Variants in PLD5 observed in about 807,000 individuals in gnomAD.
PLD5 encodes the protein inactive phospholipase D5.
PLD5 carries 36 observed loss-of-function variants against 61.1 expected under a neutral mutation model. That is an observed-to-expected ratio of 0.59 (90% CI 0.45 to 0.78). The LOEUF is 0.78. Ranked by LOEUF, PLD5 falls within the 30% of genes least tolerant of loss-of-function variation. PLD5 has a pLI of 0.00. For synonymous variants in PLD5, 243 were observed against 242.8 expected (o/e 1.00, Z -0.01); for missense variants, 515 against 644.4 (o/e 0.80, Z 2.17).
chr1:242,439,226 C>G (rs1395077771), intron 1 of PLD5, among the ~76,000 whole-genome samples: 2 of 152,168 alleles, frequency 1.3e-5, no homozygotes, highest in African/African-American at 4.8e-5. Flanking sequence ...GAGTCCAAGT[C>G]AATTGCATGT....
intron 3 of PLD5, among the ~76,000 whole-genome samples, chr1:242,281,607 A>G (rs566490445): frequency 5.3e-5 from 8 of 152,340 alleles, no homozygotes; most frequent in East Asian, 3.9e-4. Context: ...ATATTTCACA[A>G]TCTTACCAGA....
chr1:242,211,863 T>C (rs1348558985), intron 5 of PLD5, among the ~76,000 whole-genome samples: 1 of 152,144 alleles, frequency 6.6e-6, no homozygotes, highest in Non-Finnish European at 1.5e-5. Flanking sequence ...TATATAGAAG[T>C]ATTGAAACAG....
At chr1:242,145,811 T>C (rs963009012) in intron 5 of PLD5, among the ~76,000 whole-genome samples, 1 of 152,152 alleles carries the variant, frequency 6.6e-6, no homozygotes, top group Non-Finnish European at 1.5e-5. Flanking sequence ...TAGCTGGGAT[T>C]ATAGGCGCAC....
chr1:242,318,022 A>G (rs1163263274), intron 2 of PLD5, among the ~76,000 whole-genome samples: 3 of 152,200 alleles, frequency 2.0e-5, no homozygotes, highest in Non-Finnish European at 4.4e-5. Context: ...AGCTTTGCTT[A>G]TATCGGTGCC....
intron 1 of PLD5, among the ~76,000 whole-genome samples, chr1:242,499,533 T>G (rs1168585533): frequency 6.6e-6 from 1 of 152,210 alleles, no homozygotes; most frequent in African/African-American, 2.4e-5. Flanking sequence ...TTCTGCCACT[T>G]TACTCCCCTT....
chr1:242,258,333 G>T (rs536951585), intron 4 of PLD5, among the ~76,000 whole-genome samples: 2 of 152,172 alleles, frequency 1.3e-5, no homozygotes, highest in African/African-American at 2.4e-5. Context: ...AAGAAGCCCT[G>T]TTGCAAGAGG....
intron 1 of PLD5, among the ~76,000 whole-genome samples, chr1:242,492,931 C>T (rs1171249980): frequency 6.6e-6 from 1 of 152,078 alleles, no homozygotes; most frequent in Non-Finnish European, 1.5e-5. Context: ...GCTCTACTTC[C>T]TAAAACCATC....
At chr1:242,360,120 C>T (rs1354555810) in intron 1 of PLD5, among the ~76,000 whole-genome samples, 9 of 152,160 alleles carry the variant, frequency 5.9e-5, no homozygotes, top group Admixed American at 1.3e-4. Context: ...CTTGTAAAAA[C>T]ATACATTGCT....
rs541278574 is a variant in PLD5 at position 242,410,156 on chromosome 1, G to T, written c.190-61914C>A. On this transcript the variant is annotated intron_variant, in intron 1 of 9. Transcript: ENST00000536534. ...TTCTGGCTACTTCTTGCTGAAAAGGGGTATCAAATGGGGAACAGCAGCTAG... is the reference window on the plus strand; with the variant it reads ...TTCTGGCTACTTCTTGCTGAAAAGGTGTATCAAATGGGGAACAGCAGCTAG... Among the ~76,000 whole-genome samples the T allele has an allele frequency of 2.0e-5, 3 of 152,212 alleles. No individual in the cohort carries two copies. In the East Asian group the frequency reaches 5.8e-4, roughly 29 times the overall value.
At position 242,089,684 on chromosome 1, in the gene PLD5, A is replaced by T. The variant is rs184655904; in HGVS notation, c.*170T>A. On this transcript the variant is annotated 3_prime_UTR_variant, in exon 10 of 10. Transcript: ENST00000536534. ...AATACAAAAGTCTTAATTTTAGTGT[A>T]CACGACGCTAAGATATTGTTAGATA... 7.5e-6 allele frequency: 6 copies of T among 796,544 alleles called. No individual in the cohort carries two copies. The Admixed American group carries it at 1.7e-4, about 22-fold the overall frequency. The allele number at this position is 796,544 out of a possible 1,614,324, so 49.3% of individuals were successfully genotyped here.
At chr1:242,354,575 C>G (rs1328570227) in intron 1 of PLD5, among the ~76,000 whole-genome samples, 2 of 152,154 alleles carry the variant, frequency 1.3e-5, no homozygotes, top group Admixed American at 1.3e-4. Context: ...ATGTCATCAG[C>G]AAACAACAGT....
chr1:242,400,044 T>C (rs1447002059), intron 1 of PLD5, among the ~76,000 whole-genome samples: 1 of 152,114 alleles, frequency 6.6e-6, no homozygotes, highest in Non-Finnish European at 1.5e-5. Context: ...GGCAGGCGCC[T>C]GTAATCTCAG....
intron 1 of PLD5, among the ~76,000 whole-genome samples, chr1:242,390,596 T>C (rs370156186): frequency 1.3e-5 from 2 of 152,234 alleles, no homozygotes; most frequent in Non-Finnish European, 2.9e-5. Flanking sequence ...TTGAAAATAA[T>C]AGAGATGATG....
intron 1 of PLD5, among the ~76,000 whole-genome samples, chr1:242,520,747 T>C (rs1669255116): frequency 6.6e-6 from 1 of 152,194 alleles, no homozygotes; most frequent in Non-Finnish European, 1.5e-5. Flanking sequence ...TAACGCCATG[T>C]TATCCTCTGG....
chr1:242,399,736 A>G (rs977201527), intron 1 of PLD5, among the ~76,000 whole-genome samples: 3 of 152,110 alleles, frequency 2.0e-5, no homozygotes, highest in African/African-American at 7.2e-5. Context: ...TGAGCCCCAC[A>G]GTAGGAGGTG....
intron 4 of PLD5, among the ~76,000 whole-genome samples, chr1:242,221,860 C>A (rs1314018499): frequency 6.6e-6 from 1 of 152,186 alleles, no homozygotes; most frequent in Non-Finnish European, 1.5e-5. Flanking sequence ...ATAAACAGAG[C>A]ATTTGTCCTT....
intron 1 of PLD5, among the ~76,000 whole-genome samples, chr1:242,477,494 G>T (rs1404068845): frequency 6.6e-6 from 1 of 152,164 alleles, no homozygotes; most frequent in Non-Finnish European, 1.5e-5. Flanking sequence ...CGATAACTTT[G>T]GGGAAGCACA....
intron 6 of PLD5, among the ~76,000 whole-genome samples, chr1:242,122,045 A>T (rs1291584673): frequency 2.6e-5 from 4 of 152,204 alleles, no homozygotes; most frequent in Non-Finnish European, 5.9e-5. Context: ...CATAGGTAAC[A>T]AACCTGCACG....
chr1:242,486,365 C>A (rs894308119), intron 1 of PLD5, among the ~76,000 whole-genome samples: 1 of 151,936 alleles, frequency 6.6e-6, no homozygotes, highest in Non-Finnish European at 1.5e-5. Context: ...AACAAATTTA[C>A]AAGAAAAAAA....
Sources: allele counts gnomAD v4.1 joint callset (sites outside exome capture counted in the v4.1 genomes callset), GRCh38; gene constraint gnomAD v4.1.1; transcripts MANE v1.5; gene names NCBI Gene and HGNC (gene_info 2026-07-23, HGNC 2026-07-21).